Variants in KAZN observed in about 807,000 individuals in gnomAD.
KAZN encodes kazrin, periplakin interacting protein.
KAZN carries 40 observed loss-of-function variants against 87.4 expected under a neutral mutation model. The ratio of observed to expected loss-of-function variants is 0.46; its 90% CI spans 0.36 to 0.60. KAZN has a LOEUF of 0.60. KAZN is among the 20% of genes least tolerant of loss of function. The pLI is 0.00. For synonymous variants in KAZN, 466 were observed against 458.3 expected, an observed-to-expected ratio of 1.02 and a Z score of -0.22; for missense variants, 898 against 1,073.9, an observed-to-expected ratio of 0.84 and a Z score of 2.29.
intron 1 of KAZN, among the ~76,000 whole-genome samples, chr1:14,801,291 G>A (rs535906254): frequency 2.0e-4 from 30 of 152,132 alleles, no homozygotes; most frequent in South Asian, 2.1e-4. Context: ...CTGAGTCCAG[G>A]GAGTCAAAAC....
chr1:14,963,872 A>G (rs1557666341), intron 2 of KAZN, among the ~76,000 whole-genome samples: 4 of 152,064 alleles, frequency 2.6e-5, no homozygotes, highest in African/African-American at 7.2e-5. Flanking sequence ...ATGAGTGAGA[A>G]CGTGTGGTGT....
rs1174953768 is a variant in KAZN at position 15,114,549 on chromosome 1, G to A, written c.2242G>A (p.Glu748Lys). 19 of 1,609,730 alleles carry A rather than the reference G, an allele frequency of 1.2e-5. No individual in the cohort carries two copies. The highest frequency in any genetic ancestry group is 5.3e-5 in the African/African-American group (4 of 74,844). Residue 748 changes from glutamate (E) to lysine (K), a missense_variant, in exon 15 of 15, where the codon GAA becomes AAA. Physicochemically the swap from Glu to Lys is moderately conservative, Grantham distance 56. Around this residue, in one of 3 missense-constraint regions of KAZN, gnomAD observed 127 missense variants for 121.5 expected, o/e 1.04. Transcript: ENST00000376030. ...TGATGACTATGGCTCTCTTCAAAAC[G>A]AAGATTGCGGAGACGATGACCCCCA... The part of the protein sequence containing the change: ...FHDDYGSLQN[E>K]DCGDDDPQSR...
intron 2 of KAZN, among the ~76,000 whole-genome samples, chr1:14,387,437 T>C (rs1168826720): frequency 6.6e-6 from 1 of 152,188 alleles, no homozygotes; most frequent in East Asian, 1.9e-4. Flanking sequence ...TCCCAATCTT[T>C]GTGGTTTTAT....
intron 2 of KAZN, among the ~76,000 whole-genome samples, chr1:14,968,179 C>T (rs557606106): frequency 5.8e-4 from 88 of 150,958 alleles, no homozygotes; most frequent in African/African-American, 2.0e-3. Context: ...CTAGGGGTGA[C>T]GGGAGACAGT....
At chr1:15,101,862 T>A (rs477953) in intron 11 of KAZN, 88 bp downstream of exon 11, 1 of 795,072 alleles carries the variant, frequency 1.3e-6, no homozygotes, top group Non-Finnish European at 2.1e-6. Flanking sequence ...GTCCACCCAC[T>A]ACCCGTCTAT....
At chr1:14,366,969 T>C (rs1279334208) in intron 2 of KAZN, among the ~76,000 whole-genome samples, 1 of 152,174 alleles carries the variant, frequency 6.6e-6, no homozygotes, top group Non-Finnish European at 1.5e-5. Flanking sequence ...CAGTGGCTCA[T>C]GCCTGTAATC....
intron 2 of KAZN, among the ~76,000 whole-genome samples, chr1:14,210,790 TGAG>T (rs907469412): frequency 3.9e-5 from 6 of 152,126 alleles, no homozygotes; most frequent in African/African-American, 1.2e-4. Flanking sequence ...AACAAAATAT[TGAG>T]AAGAATGTCA....
At chr1:14,594,604 TG>T (rs1356258915), upstream of KAZN, among the ~76,000 whole-genome samples, 2 of 152,042 alleles carry the variant, frequency 1.3e-5, no homozygotes, top group Admixed American at 6.6e-5. Context: ...CCTACTGGGG[TG>T]TGAGATTGGG....
Position 14,206,146 on chromosome 1 carries a change from T to C in KAZN, c.249+25554T>C, listed in dbSNP as rs74574530. 3.8e-3 allele frequency among the ~76,000 whole-genome samples: 578 copies of C among 152,292 alleles called. 2 individuals are homozygous for C. The highest frequency in any genetic ancestry group is 0.013 in the African/African-American group (556 of 41,574). ...TACAGAATCAAATTTCTCATTTCCATTTTTAATTTTTCAGTAATATAACTA... is the reference window on the plus strand; with the variant it reads ...TACAGAATCAAATTTCTCATTTCCACTTTTAATTTTTCAGTAATATAACTA... On this transcript the variant is annotated intron_variant, in intron 2 of 16. Coordinates refer to the KAZN transcript ENST00000636203.
intron 1 of KAZN, among the ~76,000 whole-genome samples, chr1:13,937,142 G>T (rs1640772684): frequency 6.6e-6 from 1 of 151,690 alleles, no homozygotes; most frequent in African/African-American, 2.4e-5. Flanking sequence ...TGCCTCCTGG[G>T]TTCAAGTGAT....
chr1:14,418,014 A>C, intron 2 of KAZN, among the ~76,000 whole-genome samples: 1 of 89,202 alleles, frequency 1.1e-5, no homozygotes, highest in Non-Finnish European at 2.3e-5. Context: ...AAAAAAAAAA[A>C]AAAAAAAAAA....
intron 1 of KAZN, among the ~76,000 whole-genome samples, chr1:14,833,051 T>C (rs1444022024): frequency 6.6e-6 from 1 of 152,212 alleles, no homozygotes; most frequent in Non-Finnish European, 1.5e-5. Context: ...TACTTAATCA[T>C]AAATAAAAGA....
intron 8 of KAZN, among the ~76,000 whole-genome samples, chr1:15,069,453 C>G (rs778472545): frequency 1.3e-5 from 2 of 152,160 alleles, no homozygotes; most frequent in African/African-American, 2.4e-5. Flanking sequence ...CAGGCCATAC[C>G]TTATTTGGGT....
intron 2 of KAZN, among the ~76,000 whole-genome samples, chr1:14,448,065 C>G (rs1414152694): frequency 6.6e-6 from 1 of 152,228 alleles, no homozygotes; most frequent in African/African-American, 2.4e-5. Context: ...ACAGGACAAA[C>G]TGTGGTTAAG....
rs146123504 is a variant in KAZN at position 14,319,340 on chromosome 1, C to T, written c.249+138748C>T. Among the ~76,000 whole-genome samples, 734 of 152,190 alleles carry T rather than the reference C, an allele frequency of 4.8e-3. 9 individuals carry two copies. The highest frequency in any genetic ancestry group is 0.017 in the African/African-American group (700 of 41,518). On this transcript the variant is annotated intron_variant, in intron 2 of 16. Coordinates refer to the KAZN transcript ENST00000636203. ...GTGATTACTGAATCACCAGGGATAA[C>T]TCTGGCTGAATTCAAACAATTCCTG...
chr1:14,506,831 C>T (rs893403764), intron 2 of KAZN, among the ~76,000 whole-genome samples: 3 of 152,046 alleles, frequency 2.0e-5, no homozygotes, highest in Non-Finnish European at 4.4e-5. Context: ...CAAATGGAGC[C>T]AAGATTAAAT....
chr1:13,893,379 G>T, exon 1 of KAZN: 1 of 305,494 alleles, frequency 3.3e-6, no homozygotes, highest in Non-Finnish European at 5.9e-6. Flanking sequence ...CACGACTCCT[G>T]GTTAGGGGGA....
chr1:14,162,763 C>T (rs1180933434), intron 1 of KAZN, among the ~76,000 whole-genome samples: 1 of 152,130 alleles, frequency 6.6e-6, no homozygotes, highest in Non-Finnish European at 1.5e-5. Flanking sequence ...CCAGGATGGT[C>T]TCATTCTCCT....
rs148071919 is a variant in KAZN, at chr1:14,274,826, C to T, written c.249+94234C>T. Among the ~76,000 whole-genome samples, 984 of 152,040 alleles carry T rather than the reference C, an allele frequency of 6.5e-3. 5 individuals carry two copies. The highest frequency in any genetic ancestry group is 0.011 in the Non-Finnish European group (722 of 67,982). On this transcript the variant is annotated intron_variant, in intron 2 of 16. Coordinates refer to the KAZN transcript ENST00000636203. ...GTTCATGGATGGTATCTAGAGGGAG[C>T]TCAATAAATATTTCTTTTTTTTTTC...
Sources: allele counts gnomAD v4.1 joint callset (sites outside exome capture counted in the v4.1 genomes callset), GRCh38; gene constraint gnomAD v4.1.1; regional missense constraint gnomAD v4.1.1; transcripts MANE v1.5; gene names NCBI Gene and HGNC (gene_info 2026-07-23, HGNC 2026-07-21).